PROS1: variants seen among roughly 807,000 people sequenced by gnomAD.
The protein encoded by PROS1 is protein S, also known as vitamin K-dependent protein S.
Under a neutral mutation model 75.9 loss-of-function variants are expected in PROS1, and 29 were observed. That is an observed-to-expected ratio of 0.38 (90% CI 0.28 to 0.52). The LOEUF (loss-of-function observed/expected upper bound fraction) is 0.52, where lower values mean the gene tolerates loss of function less well. Ranked by LOEUF, PROS1 falls within the 20% of genes least tolerant of loss-of-function variation. The pLI is 0.83. For missense variants in PROS1, 680 were observed against 810.3 expected (o/e 0.84, Z 1.95); for synonymous variants, 245 against 280.6 (o/e 0.87, Z 1.27).
chr3:93,925,746 C>T (rs764159175), intron 2 of PROS1, among the ~76,000 whole-genome samples: 39 of 140,220 alleles, frequency 2.8e-4, no homozygotes, highest in Non-Finnish European at 3.2e-4. Flanking sequence ...ATTGCCTGAG[C>T]GGGGGGGTCA....
At chr3:93,921,749 A>G (rs1708945496) in intron 3 of PROS1, among the ~76,000 whole-genome samples, 1 of 152,048 alleles carries the variant, frequency 6.6e-6, no homozygotes, top group South Asian at 2.1e-4. Flanking sequence ...CTTGTACTCT[A>G]TGTATTGGCA....
intron 1 of PROS1, among the ~76,000 whole-genome samples, chr3:93,951,050 G>C (rs1709486965): frequency 6.6e-6 from 1 of 152,144 alleles, no homozygotes; most frequent in Non-Finnish European, 1.5e-5. Context: ...AGAGAAAAAA[G>C]AGTAAAAATA....
chr3:93,966,116 C>T (rs917886240), intron 1 of PROS1, among the ~76,000 whole-genome samples: 1 of 152,172 alleles, frequency 6.6e-6, no homozygotes. Context: ...TATAAAGCTA[C>T]AGCCAAAAAC....
intron 3 of PROS1, among the ~76,000 whole-genome samples, chr3:93,920,575 T>C (rs1272085659): frequency 6.6e-6 from 1 of 152,166 alleles, no homozygotes; most frequent in Non-Finnish European, 1.5e-5. Context: ...TTCTATTTTT[T>C]TCCAGTATTA....
At chr3:93,917,336 G>A (rs892483202) in intron 3 of PROS1, among the ~76,000 whole-genome samples, 1 of 152,142 alleles carries the variant, frequency 6.6e-6, no homozygotes, top group Non-Finnish European at 1.5e-5. Context: ...CAGAGTCTCT[G>A]TCGCCCAGGC....
chr3:93,963,641 T>C (rs1709741823), intron 1 of PROS1, among the ~76,000 whole-genome samples: 1 of 152,122 alleles, frequency 6.6e-6, no homozygotes, highest in Non-Finnish European at 1.5e-5. Context: ...AAGCTTCCAA[T>C]CATGGTAGAA....
intron 1 of PROS1, among the ~76,000 whole-genome samples, chr3:93,935,926 G>A (rs1341592296): frequency 6.9e-6 from 1 of 145,350 alleles, no homozygotes; most frequent in Non-Finnish European, 1.5e-5. Flanking sequence ...AAGGAAAGAG[G>A]CAGTTAACAT....
chr3:93,873,983 A>G lies in PROS1; in HGVS notation c.*262T>C. 2.6e-6 allele frequency: 1 copy of G among 388,542 alleles called. No individual in the cohort carries two copies. Among genetic ancestry groups the G allele is most frequent in the African/African-American group, 2.0e-5 (1 of 49,048 alleles). The allele number at this position is 388,542 out of a possible 1,614,324, so 24.1% of individuals were successfully genotyped here. ...TTTAGTTTTACAAACAAAAATTGAA[A>G]CTGTCATTTGTAGGAAAAAAATTCA... On this transcript the variant is annotated 3_prime_UTR_variant, in exon 15 of 15. Coordinates refer to ENST00000394236, the MANE Select transcript of PROS1 (RefSeq NM_000313.4).
At chr3:93,876,588 CAA>C (rs34147087) in intron 14 of PROS1, among the ~76,000 whole-genome samples, 45 of 34,974 alleles carry the variant, frequency 1.3e-3, no homozygotes, top group African/African-American at 4.4e-3. Context: ...GACTCCATCT[CAA>C]AAAAAAAAAA....
At chr3:93,912,588 T>C (rs1235800138) in intron 3 of PROS1, among the ~76,000 whole-genome samples, 2 of 152,106 alleles carry the variant, frequency 1.3e-5, no homozygotes, top group South Asian at 2.1e-4. Context: ...GTCCACTTTG[T>C]GTTGCTATAA....
intron 1 of PROS1, among the ~76,000 whole-genome samples, chr3:93,961,123 G>C (rs2107260734): frequency 6.6e-6 from 1 of 152,232 alleles, no homozygotes; most frequent in South Asian, 2.1e-4. Flanking sequence ...ATAGTCTTTG[G>C]ATAGATCACC....
In PROS1 at chr3:93,886,566, G is replaced by C. The variant is rs1012449370; in HGVS notation, c.1156-63C>G. On this transcript the variant is annotated intron_variant, in intron 10 of 14. Coordinates refer to ENST00000394236, the MANE Select transcript of PROS1 (RefSeq NM_000313.4). ...TTACTACATGTCATTTGAAATACTG[G>C]GATCTAAAACTTATGTTATTATTCC... 8 of 1,261,782 alleles carry C rather than the reference G, an allele frequency of 6.3e-6. No homozygotes were observed. The African/African-American group carries it at 1.0e-4, about 16-fold the overall frequency. The allele number at this position is 1,261,782 out of a possible 1,614,324, so 78.2% of individuals were successfully genotyped here. A position where few individuals can be genotyped will look rare whatever the true frequency, so the allele number is the denominator to read the frequency against.
intron 1 of PROS1, among the ~76,000 whole-genome samples, chr3:93,955,027 T>C (rs1288825746): frequency 1.3e-5 from 2 of 152,186 alleles, no homozygotes; most frequent in Non-Finnish European, 2.9e-5. Context: ...CACAATGAGA[T>C]ACCATCTCTC....
chr3:93,936,011 T>C (rs968178366), intron 1 of PROS1, among the ~76,000 whole-genome samples: 7 of 151,398 alleles, frequency 4.6e-5, no homozygotes, highest in African/African-American at 1.2e-4. Flanking sequence ...GTTTTTTTTT[T>C]CATAGTAAGT....
chr3:93,882,428 C>T (rs185720357), intron 12 of PROS1, among the ~76,000 whole-genome samples: 6 of 152,236 alleles, frequency 3.9e-5, no homozygotes, highest in African/African-American at 1.4e-4. Context: ...CCACTCCCAC[C>T]CTTACAACAA....
chr3:93,960,851 C>T (rs1328009518), intron 1 of PROS1, among the ~76,000 whole-genome samples: 1 of 150,692 alleles, frequency 6.6e-6, no homozygotes, highest in Admixed American at 6.6e-5. Context: ...AATCAGAGGG[C>T]TCTAATAAAA....
At chr3:93,932,006 G>T (rs1284829195) in intron 1 of PROS1, among the ~76,000 whole-genome samples, 2 of 152,196 alleles carry the variant, frequency 1.3e-5, no homozygotes, top group Admixed American at 6.5e-5. Flanking sequence ...TTGCCAGAAA[G>T]ATACAGGCAT....
chr3:93,902,764 A>G (rs1708615948), intron 6 of PROS1, among the ~76,000 whole-genome samples: 1 of 152,116 alleles, frequency 6.6e-6, no homozygotes, highest in African/African-American at 2.4e-5. Context: ...AAAAAAAAGA[A>G]GAAGAAGAAG....
intron 1 of PROS1, among the ~76,000 whole-genome samples, chr3:93,948,287 A>G (rs1351587195): frequency 6.6e-6 from 1 of 152,170 alleles, no homozygotes; most frequent in African/African-American, 2.4e-5. Context: ...TAAAAAAAAA[A>G]AGTAGGCTGC....
Sources: gnomAD v4.1 joint callset for allele counts (sites outside exome capture counted in the v4.1 genomes callset) on GRCh38, gnomAD v4.1.1 for gene constraint, MANE v1.5 for transcripts, NCBI Gene and HGNC (gene_info 2026-07-23, HGNC 2026-07-21) for gene names.